Variants in SLC8B1 observed in about 807,000 individuals in gnomAD.
SLC8B1 encodes the protein solute carrier family 8 member B1.
A neutral mutation model predicts 63.4 loss-of-function variants in SLC8B1; 52 were observed. The ratio of observed to expected loss-of-function variants is 0.82; its 90% CI spans 0.66 to 1.03. The LOEUF (loss-of-function observed/expected upper bound fraction) is 1.03, where lower values mean the gene tolerates loss of function less well. Ranked by LOEUF, SLC8B1 falls within the 50% of genes least tolerant of loss-of-function variation. The pLI is 0.00. For synonymous variants in SLC8B1, 336 were observed against 323.9 expected (o/e 1.04, Z -0.40); for missense variants, 657 against 741.7 (o/e 0.89, Z 1.33).
intron 15 of SLC8B1, chr12:113,302,446 C>T: frequency 3.5e-6 from 1 of 285,528 alleles, no homozygotes; most frequent in East Asian, 9.7e-5. Context: ...CTGCTGTTGT[C>T]AGCCCCCTGG....
At chr12:113,310,122 T>G in intron 12 of SLC8B1, 112 bp downstream of exon 12, 2 of 1,403,976 alleles carry the variant, frequency 1.4e-6, no homozygotes, top group Non-Finnish European at 1.9e-6. Flanking sequence ...TACCTGTCTT[T>G]GTGTGACTCC....
chr12:113,333,856 A>G (rs899984960), intron 1 of SLC8B1, among the ~76,000 whole-genome samples: 1 of 152,148 alleles, frequency 6.6e-6, no homozygotes, highest in Non-Finnish European at 1.5e-5. Context: ...TTACAGGCAC[A>G]CACCACCATG....
At position 113,310,234 on chromosome 12, in the gene SLC8B1, C is replaced by T; in HGVS notation, c.1257G>A (p.Trp419Ter). The T allele has an allele frequency of 1.9e-6, 3 of 1,613,322 alleles. No individual in the cohort carries two copies. Among genetic ancestry groups the T allele is most frequent in the Non-Finnish European group, 2.5e-6 (3 of 1,179,740 alleles). ...TSDSQPPRLH[W>*]LFAFLGFLTS... Reference sequence around the variant, plus strand: ...ATCTCGGAGAACCCGGGCTTCTTACCCAGTGAAGCCTGGGGGGCTGGCTGT... The same window carrying T: ...ATCTCGGAGAACCCGGGCTTCTTACTCAGTGAAGCCTGGGGGGCTGGCTGT... Residue 419 changes from tryptophan (W) to a stop codon, truncating the protein, a stop_gained and splice_region_variant, in exon 12 of 16, where the codon TGG becomes TGA. Transcript: ENST00000680972. LOFTEE classifies it high-confidence loss of function.
At chr12:113,318,829 G>A in intron 8 of SLC8B1, 135 bp downstream of exon 8, 1 of 653,472 alleles carries the variant, frequency 1.5e-6, no homozygotes, top group Admixed American at 2.6e-5. Context: ...GACCTCAGCA[G>A]AATGAGTAGA....
intron 10 of SLC8B1, 56 bp from the exon 11 acceptor site, chr12:113,315,532 G>A: frequency 6.7e-7 from 1 of 1,482,280 alleles, no homozygotes; most frequent in Non-Finnish European, 9.0e-7. Context: ...ATCCCAGCCG[G>A]CCACAGATGG....
rs1956514762 is a variant in SLC8B1 at position 113,298,773 on chromosome 12, GA to G, written c.*1003del. 6.8e-6 allele frequency: 1 copy of G among 146,740 alleles called. No individual in the cohort carries two copies. The highest frequency in any genetic ancestry group is 1.5e-5 in the Non-Finnish European group (1 of 67,190). The allele number at this position is 146,740 out of a possible 1,614,324, so 9.1% of individuals were successfully genotyped here. ...TGGGGGTGTCATTTTCTCTACACTTGAAATTTTGACTTTTTTTTTATTTGGA... is the reference window on the plus strand; with the variant it reads ...TGGGGGTGTCATTTTCTCTACACTTGAATTTTGACTTTTTTTTTATTTGGA... On this transcript the variant is annotated 3_prime_UTR_variant, in exon 16 of 16. Coordinates refer to ENST00000680972, the MANE Select transcript of SLC8B1 (RefSeq NM_001358345.2).
rs931480584 is a variant in SLC8B1, at chr12:113,306,774, T to G, written c.1412-199A>C. The G allele has an allele frequency of 7.1e-6, 4 of 565,110 alleles. No homozygotes were observed. The African/African-American group carries it at 7.5e-5, about 11-fold the overall frequency. The allele number at this position is 565,110 out of a possible 1,614,324, so 35.0% of individuals were successfully genotyped here. A position where few individuals can be genotyped will look rare whatever the true frequency, so the allele number is the denominator to read the frequency against. On this transcript the variant is annotated intron_variant, in intron 13 of 15. Coordinates refer to ENST00000680972, the MANE Select transcript of SLC8B1 (RefSeq NM_001358345.2). Reference sequence around the variant, plus strand: ...GACACACTTCCCTCCTTAATTCCTTTACCCCACTCTTTCACACCAGGAACA... The same window carrying G: ...GACACACTTCCCTCCTTAATTCCTTGACCCCACTCTTTCACACCAGGAACA...
chr12:113,331,044 G>A (rs886530160), intron 2 of SLC8B1, among the ~76,000 whole-genome samples: 5 of 151,958 alleles, frequency 3.3e-5, no homozygotes, highest in African/African-American at 7.2e-5. Context: ...TAACTCCAGC[G>A]TCGTCATTGG....
At chr12:113,308,128 C>T (rs547366738) in intron 12 of SLC8B1, 1 of 279,070 alleles carries the variant, frequency 3.6e-6, no homozygotes, top group Non-Finnish European at 6.8e-6. Context: ...GGGCAGATCA[C>T]CTGAGGTCAG....
At position 113,311,652 on chromosome 12, in the gene SLC8B1, C is replaced by T. The variant is rs192982111; in HGVS notation, c.1136-1297G>A. Among the ~76,000 whole-genome samples the T allele has an allele frequency of 1.2e-3, 177 of 146,102 alleles. 1 individual carries two copies. The highest frequency in any genetic ancestry group is 1.9e-3 in the Non-Finnish European group (126 of 66,882). On this transcript the variant is annotated intron_variant, in intron 11 of 15. Transcript: ENST00000680972. ...AAAAATTATGTGAGTGGGCTGAATA[C>T]ACAAAATTGTGTACACAATATGTTA...
intron 14 of SLC8B1, among the ~76,000 whole-genome samples, chr12:113,304,815 C>A (rs748476226): frequency 4.6e-5 from 7 of 152,170 alleles, no homozygotes; most frequent in Admixed American, 1.3e-4. Flanking sequence ...GTTGCCCAGG[C>A]AAATCTCAAA....
At chr12:113,307,961 T>C in intron 12 of SLC8B1, 117 bp from the exon 13 acceptor site, 1 of 1,223,670 alleles carries the variant, frequency 8.2e-7, no homozygotes, top group Non-Finnish European at 1.1e-6. Flanking sequence ...TTATTATGAG[T>C]ATAAAACACG....
At chr12:113,302,822 C>A in intron 15 of SLC8B1, 1 of 437,576 alleles carries the variant, frequency 2.3e-6, no homozygotes. Context: ...CCTGTGGACA[C>A]ACACACCTCT....
rs1251944608 is a variant in SLC8B1, at chr12:113,321,185, C to T, written c.309+11G>A. 1 of 1,614,078 alleles carries T rather than the reference C, an allele frequency of 6.2e-7. No individual in the cohort carries two copies. The highest frequency in any genetic ancestry group is 8.5e-7 in the Non-Finnish European group (1 of 1,179,936). ...AGCCCCTCTCACCAGCCCCCCAGGG[C>T]AGGGCCTCACGTAGAGAGTGACAGC... On this transcript the variant is annotated intron_variant, in intron 3 of 15. Coordinates refer to ENST00000680972, the MANE Select transcript of SLC8B1 (RefSeq NM_001358345.2).
At chr12:113,318,886 A>T in intron 8 of SLC8B1, 78 bp downstream of exon 8, 1 of 1,116,228 alleles carries the variant, frequency 9.0e-7, no homozygotes. Context: ...TGGCCTCAGG[A>T]GACCCTGGGC....
At position 113,325,690 on chromosome 12, in the gene SLC8B1, G is replaced by C. The variant is rs904557101; in HGVS notation, c.157-4342C>G. 2.0e-5 allele frequency among the ~76,000 whole-genome samples: 3 copies of C among 151,380 alleles called. No individual in the cohort carries two copies. The East Asian group carries it at 5.8e-4, about 29-fold the overall frequency. ...CACCATTCTCCTGCCTCAGCCTCCC[G>C]AGTAGCTGGGACTACAGGCGCTCGC... On this transcript the variant is annotated intron_variant, in intron 2 of 15. Transcript: ENST00000680972.
chr12:113,324,317 A>AC (rs1400729321), intron 2 of SLC8B1, among the ~76,000 whole-genome samples: 2 of 151,708 alleles, frequency 1.3e-5, no homozygotes, highest in African/African-American at 4.9e-5. Context: ...TCTCAAAAAA[A>AC]AACAAACAAA....
intron 2 of SLC8B1, among the ~76,000 whole-genome samples, chr12:113,326,956 A>T (rs1957003981): frequency 6.6e-6 from 1 of 152,148 alleles, no homozygotes. Context: ...ATGCAGATGC[A>T]AGTCTCAAGT....
At chr12:113,308,984 G>A (rs1221966673) in intron 12 of SLC8B1, 1 of 152,050 alleles carries the variant, frequency 6.6e-6, no homozygotes, top group Non-Finnish European at 1.5e-5. Context: ...CACCCAAGGA[G>A]CTGGGATTAC....
Sources: gnomAD v4.1 joint callset for allele counts (sites outside exome capture counted in the v4.1 genomes callset) on GRCh38, gnomAD v4.1.1 for gene constraint, MANE v1.5 for transcripts, NCBI Gene and HGNC (gene_info 2026-07-23, HGNC 2026-07-21) for gene names.